TSACC: variants seen among roughly 807,000 people sequenced by gnomAD.
TSACC encodes TSSK6-activating co-chaperone protein.
In TSACC, 3 loss-of-function variants were observed where a neutral mutation model predicts 6.9. The observed-to-expected ratio is 0.43, with a 90% CI of 0.20 to 1.12. The LOEUF (loss-of-function observed/expected upper bound fraction) is 1.12, where lower values mean the gene tolerates loss of function less well. Ranked by LOEUF, TSACC falls within the 50% of genes most tolerant of loss-of-function variation. TSACC has a pLI of 0.28. For synonymous variants in TSACC, 54 were observed against 55.1 expected, an observed-to-expected ratio of 0.98 and a Z score of 0.09; for missense variants, 137 against 143.9, an observed-to-expected ratio of 0.95 and a Z score of 0.24.
upstream of TSACC, chr1:156,338,276 G>A (rs879222640): frequency 1.7e-5 from 22 of 1,316,424 alleles, no homozygotes; most frequent in South Asian, 1.4e-4. Flanking sequence ...AGAAAACGCT[G>A]CCTCCTCAGG....
chr1:156,338,047 A>T, upstream of TSACC: 4 of 1,221,040 alleles, frequency 3.3e-6, no homozygotes, highest in South Asian at 1.3e-5. Flanking sequence ...CGATGATTGG[A>T]AGGCTCAGTG....
intron 2 of TSACC, among the ~76,000 whole-genome samples, chr1:156,342,695 T>C (rs1156508879): frequency 1.3e-5 from 2 of 152,220 alleles, no homozygotes; most frequent in African/African-American, 4.8e-5. Flanking sequence ...CTTACTGAAG[T>C]GTAATAGCAT....
intron 3 of TSACC, among the ~76,000 whole-genome samples, chr1:156,345,208 G>C (rs990667685): frequency 6.6e-6 from 1 of 152,190 alleles, no homozygotes; most frequent in Non-Finnish European, 1.5e-5. Flanking sequence ...AAGAAGTCAA[G>C]ACTGATAAAA....
chr1:156,340,694 C>T (rs915404735), intron 2 of TSACC, among the ~76,000 whole-genome samples: 17 of 151,960 alleles, frequency 1.1e-4, no homozygotes, highest in Non-Finnish European at 2.4e-4. Context: ...CTCCTGACCT[C>T]AGGTGATCCG....
intron 2 of TSACC, 23 bp downstream of exon 2, chr1:156,339,814 C>T: frequency 6.2e-7 from 1 of 1,613,088 alleles, no homozygotes; most frequent in Non-Finnish European, 8.5e-7. Context: ...GGCCCTGCTT[C>T]CCCTCCCTTA....
At chr1:156,344,504 G>T in intron 2 of TSACC, 76 bp from the exon 3 acceptor site, 2 of 1,542,210 alleles carry the variant, frequency 1.3e-6, no homozygotes, top group Non-Finnish European at 8.8e-7. Flanking sequence ...CTGCTTTCAT[G>T]GACCAGGTGC....
At chr1:156,341,494 A>T (rs1208564998) in intron 2 of TSACC, among the ~76,000 whole-genome samples, 2 of 152,174 alleles carry the variant, frequency 1.3e-5, no homozygotes, top group East Asian at 3.8e-4. Flanking sequence ...TGTTTAGCAG[A>T]CTGTGGTATC....
intron 3 of TSACC, among the ~76,000 whole-genome samples, chr1:156,345,863 T>C (rs1049487341): frequency 1.4e-5 from 2 of 146,796 alleles, no homozygotes; most frequent in African/African-American, 2.6e-5. Context: ...CAAGGCTCCA[T>C]TGAAAAAAAA....
chr1:156,338,443 G>T (rs1261499943), upstream of TSACC: 2 of 569,486 alleles, frequency 3.5e-6, no homozygotes, highest in South Asian at 2.1e-5. Context: ...AAGGCACTGG[G>T]AGGGCACAGG....
At chr1:156,337,852 G>T, upstream of TSACC, 1 of 487,614 alleles carries the variant, frequency 2.1e-6, no homozygotes, top group Non-Finnish European at 3.7e-6. Flanking sequence ...AGGCTAGAAA[G>T]GGCGCAGGGG....
At chr1:156,338,116 G>GA (rs1312619319), upstream of TSACC, 5 of 1,570,116 alleles carry the variant, frequency 3.2e-6, no homozygotes, top group Admixed American at 1.9e-5. Flanking sequence ...AGAAGAGGGC[G>GA]AAAAGGGGGT....
At chr1:156,343,232 T>C (rs1028870379) in intron 2 of TSACC, among the ~76,000 whole-genome samples, 1 of 152,108 alleles carries the variant, frequency 6.6e-6, no homozygotes, top group African/African-American at 2.4e-5. Context: ...AATATGAGAG[T>C]TGAGTTTTAC....
upstream of TSACC, chr1:156,337,511 G>A (rs1177850501): frequency 5.9e-6 from 1 of 169,096 alleles, no homozygotes; most frequent in Admixed American, 5.8e-5. Flanking sequence ...GTACAACGCC[G>A]GGGACACGGA....
At chr1:156,338,330 C>T (rs1570944792), upstream of TSACC, 7 of 740,386 alleles carry the variant, frequency 9.5e-6, no homozygotes, top group East Asian at 2.7e-5. Context: ...CGCCAATCAC[C>T]GCACCCATCT....
chr1:156,344,563 A>AGTTATCT lies in TSACC; in HGVS notation c.35-16_35-10dup. 1 of 1,612,336 alleles carries AGTTATCT rather than the reference A, an allele frequency of 6.2e-7. No individual in the cohort carries two copies. The highest frequency in any genetic ancestry group is 8.5e-7 in the Non-Finnish European group (1 of 1,179,450). ...CCCTTGTTGGAATGAGCTCTGATTT[A>AGTTATCT]GTTATCTCTGATTTAGTTCCAGCCA... is the stretch of plus-strand genomic sequence containing the variant. On this transcript the variant is annotated splice_polypyrimidine_tract_variant and intron_variant, in intron 2 of 3. Coordinates refer to ENST00000368254, the MANE Select transcript of TSACC (RefSeq NM_001304817.2).
At chr1:156,337,713 T>C (rs1313765967), upstream of TSACC, 4 of 184,640 alleles carry the variant, frequency 2.2e-5, no homozygotes, top group South Asian at 3.3e-4. Context: ...GGAAATACTG[T>C]TAACTCCGTA....
upstream of TSACC, chr1:156,338,206 G>C (rs757540491): frequency 8.8e-5 from 140 of 1,582,878 alleles, no homozygotes; most frequent in Non-Finnish European, 1.1e-4. Context: ...GCAGAGCCGG[G>C]TACCCAGAGC....
intron 2 of TSACC, among the ~76,000 whole-genome samples, chr1:156,341,319 A>G (rs1665871708): frequency 6.6e-6 from 1 of 152,322 alleles, no homozygotes; most frequent in Non-Finnish European, 1.5e-5. Flanking sequence ...TCCTCAAGTG[A>G]AATGTAGGTA....
At chr1:156,338,432 G>A (rs1665568435), upstream of TSACC, 2 of 576,822 alleles carry the variant, frequency 3.5e-6, no homozygotes, top group African/African-American at 3.7e-5. Context: ...AGCGCACGAC[G>A]AAGGCACTGG....
Sources: gnomAD v4.1 joint callset for allele counts (sites outside exome capture counted in the v4.1 genomes callset) on GRCh38, gnomAD v4.1.1 for gene constraint, MANE v1.5 for transcripts, NCBI Gene and HGNC (gene_info 2026-07-23, HGNC 2026-07-21) for gene names.